Variants in GSDMC observed in about 807,000 individuals in gnomAD.
GSDMC encodes the protein gasdermin C, also known as gasdermin-C.
GSDMC carries 59 observed loss-of-function variants against 58.0 expected under a neutral mutation model. The ratio of observed to expected loss-of-function variants is 1.02; its 90% CI spans 0.82 to 1.26. GSDMC has a LOEUF of 1.26. GSDMC is among the 50% of genes most tolerant of loss of function. The pLI is 0.00. For synonymous variants in GSDMC, 241 were observed against 220.2 expected, an observed-to-expected ratio of 1.09 and a Z score of -0.83; for missense variants, 659 against 598.5, an observed-to-expected ratio of 1.10 and a Z score of -1.06.
chr8:129,712,289 C>T, the GSDMC span, among the ~76,000 whole-genome samples: 3 of 152,116 alleles, frequency 2.0e-5, no homozygotes, highest in African/African-American at 7.2e-5. Flanking sequence ...ACAGGAATAT[C>T]ATGATTAGCA....
chr8:129,759,565 C>T (rs1469841490), intron 6 of GSDMC, among the ~76,000 whole-genome samples: 1 of 152,134 alleles, frequency 6.6e-6, no homozygotes, highest in Non-Finnish European at 1.5e-5. Flanking sequence ...TGTGAGTAGA[C>T]ATTTCTCAAA....
Position 129,762,711 on chromosome 8 carries a change from A to T in GSDMC, c.591T>A (p.Ser197Arg). The T allele has an allele frequency of 6.2e-7, 1 of 1,612,926 alleles. No individual in the cohort carries two copies. Among genetic ancestry groups the T allele is most frequent in the Non-Finnish European group, 8.5e-7 (1 of 1,179,136 alleles). ...TYGKGQGQGE[S>R]LRVKKKALTL... ...TCAGCGCCTTCTTCTTCACTCTGAG[A>T]CTCTCTCCTTGGCCTTGACCCTGGG... The change falls in exon 5 of 14, where the codon AGT (serine) becomes AGA (arginine). Residue 197 changes from serine to arginine, a missense_variant. Ser to Arg is a moderately radical substitution (Grantham distance 110). Transcript: ENST00000276708.
chr8:129,715,714 A>G, the GSDMC span, among the ~76,000 whole-genome samples: 3 of 152,224 alleles, frequency 2.0e-5, no homozygotes, highest in Non-Finnish European at 4.4e-5. Flanking sequence ...GGAATATGAT[A>G]TCAGACGGAA....
chr8:129,758,458 T>G (rs2033528608), intron 6 of GSDMC, among the ~76,000 whole-genome samples: 1 of 152,192 alleles, frequency 6.6e-6, no homozygotes, highest in Non-Finnish European at 1.5e-5. Flanking sequence ...GATCTTATAT[T>G]TGGAAAAACC....
At chr8:129,727,204 G>A in the GSDMC span, among the ~76,000 whole-genome samples, 1 of 152,180 alleles carries the variant, frequency 6.6e-6, no homozygotes, top group East Asian at 1.9e-4. Flanking sequence ...GACTTACGAT[G>A]GACATATAAG....
In GSDMC at chr8:129,765,149, T is replaced by C. The variant is rs551954581; in HGVS notation, c.570+479A>G. Among the ~76,000 whole-genome samples the C allele has an allele frequency of 9.2e-5, 14 of 152,332 alleles. No homozygotes were observed. In the East Asian group the frequency reaches 1.9e-3, roughly 21 times the overall value. ...TATTAAAAAATATTATACTTGGTTA[T>C]TGTGAATGACTCATGTCAGTCACAT... is the stretch of plus-strand genomic sequence containing the variant. On this transcript the variant is annotated intron_variant, in intron 4 of 13. Coordinates refer to ENST00000276708, the MANE Select transcript of GSDMC (RefSeq NM_031415.3).
intron 4 of GSDMC, among the ~76,000 whole-genome samples, chr8:129,764,269 T>C (rs1029040269): frequency 3.9e-5 from 6 of 152,180 alleles, no homozygotes; most frequent in Non-Finnish European, 8.8e-5. Flanking sequence ...TGTTTCACTT[T>C]GGGGCAACCA....
chr8:129,771,658 A>G (rs2034052898), intron 3 of GSDMC, among the ~76,000 whole-genome samples: 1 of 151,958 alleles, frequency 6.6e-6, no homozygotes, highest in South Asian at 2.1e-4. Flanking sequence ...CAACAAAAGC[A>G]GTTCTAATTT....
chr8:129,721,874 T>C, the GSDMC span, among the ~76,000 whole-genome samples: 1 of 152,170 alleles, frequency 6.6e-6, no homozygotes, highest in Admixed American at 6.5e-5. Context: ...ATGCGCTGTA[T>C]GTTTTCTCCT....
intron 3 of GSDMC, among the ~76,000 whole-genome samples, chr8:129,771,990 C>T (rs1340273969): frequency 2.0e-5 from 3 of 152,074 alleles, no homozygotes; most frequent in East Asian, 1.9e-4. Flanking sequence ...ACAGGCCAGG[C>T]GCAGTGGCTC....
the GSDMC span, among the ~76,000 whole-genome samples, chr8:129,733,218 C>T: frequency 7.7e-6 from 1 of 129,546 alleles, no homozygotes; most frequent in East Asian, 2.5e-4. Context: ...TCTGTAGATT[C>T]CACCTCTGGG....
At chr8:129,723,775 A>G in the GSDMC span, among the ~76,000 whole-genome samples, 1 of 152,132 alleles carries the variant, frequency 6.6e-6, no homozygotes, top group African/African-American at 2.4e-5. Flanking sequence ...ATTGGATTGC[A>G]CCCCTACCTT....
intron 3 of GSDMC, among the ~76,000 whole-genome samples, chr8:129,772,120 G>T (rs1010008326): frequency 2.6e-4 from 39 of 152,122 alleles, no homozygotes; most frequent in African/African-American, 9.4e-4. Flanking sequence ...AAAAATTCGG[G>T]CATGGTGGCA....
At chr8:129,730,920 G>C in the GSDMC span, among the ~76,000 whole-genome samples, 2 of 152,074 alleles carry the variant, frequency 1.3e-5, no homozygotes, top group African/African-American at 4.8e-5. Context: ...AATCTTGGAC[G>C]CTTCTTTACA....
downstream of GSDMC, among the ~76,000 whole-genome samples, chr8:129,746,371 G>C (rs2032961640): frequency 6.6e-6 from 1 of 152,126 alleles, no homozygotes; most frequent in South Asian, 2.1e-4. Context: ...TTGAGTTATA[G>C]ACATAGAGGA....
At chr8:129,714,761 A>G in the GSDMC span, among the ~76,000 whole-genome samples, 1 of 152,362 alleles carries the variant, frequency 6.6e-6, no homozygotes, top group East Asian at 1.9e-4. Flanking sequence ...CTTGAAAAAA[A>G]TTGCCAAAGG....
At chr8:129,756,291 G>A (rs1323878468) in intron 6 of GSDMC, among the ~76,000 whole-genome samples, 1 of 151,786 alleles carries the variant, frequency 6.6e-6, no homozygotes, top group Non-Finnish European at 1.5e-5. Context: ...TAAGGGGGTC[G>A]ATCTAACAAC....
chr8:129,726,331 C>T, the GSDMC span, among the ~76,000 whole-genome samples: 1 of 152,118 alleles, frequency 6.6e-6, no homozygotes, highest in Non-Finnish European at 1.5e-5. Context: ...CCCCACTTCT[C>T]CCAGCCCACT....
In GSDMC at chr8:129,756,812, G is replaced by A. The variant is rs184092601; in HGVS notation, c.721+3733C>T. ...CAATATGCTCCTGAATGACCAGTGG[G>A]TCAAGGAAAACATTAATAAGGAAAT... On this transcript the variant is annotated intron_variant, in intron 6 of 13. Transcript: ENST00000276708. 4.5e-3 allele frequency among the ~76,000 whole-genome samples: 690 copies of A among 152,208 alleles called. 1 individual carries two copies. The highest frequency in any genetic ancestry group is 8.0e-3 in the Non-Finnish European group (541 of 68,002).
Sources: allele counts gnomAD v4.1 joint callset (sites outside exome capture counted in the v4.1 genomes callset), GRCh38; gene constraint gnomAD v4.1.1; transcripts MANE v1.5; gene names NCBI Gene and HGNC (gene_info 2026-07-23, HGNC 2026-07-21).